BST1: variants seen among roughly 807,000 people sequenced by gnomAD.
The protein encoded by BST1 is ADP-ribosyl cyclase/cyclic ADP-ribose hydrolase 2.
BST1 carries 49 observed loss-of-function variants against 40.6 expected under a neutral mutation model. That is an observed-to-expected ratio of 1.21 (90% confidence interval 0.96 to 1.53). The LOEUF (loss-of-function observed/expected upper bound fraction) is 1.53, where lower values mean the gene tolerates loss of function less well. Among genes scored for constraint, BST1 ranks in the 40% most tolerant of loss-of-function variants. The pLI is 0.00. For missense variants in BST1, 423 were observed against 395.9 expected (o/e 1.07, Z -0.58); for synonymous variants, 157 against 159.3 (o/e 0.99, Z 0.11).
At chr4:15,764,872 A>AGG in the BST1 span, among the ~76,000 whole-genome samples, 2 of 97,862 alleles carry the variant, frequency 2.0e-5, no homozygotes, top group African/African-American at 7.1e-5. Context: ...GAATTAGGTG[A>AGG]GGTGTGTGTG....
the BST1 span, among the ~76,000 whole-genome samples, chr4:15,763,981 C>T: frequency 6.6e-6 from 1 of 152,024 alleles, no homozygotes; most frequent in Non-Finnish European, 1.5e-5. Context: ...AGTGTGTGGA[C>T]ATCACTCTAC....
At chr4:15,733,723 G>A (rs572494061), downstream of BST1, among the ~76,000 whole-genome samples, 16 of 152,298 alleles carry the variant, frequency 1.1e-4, no homozygotes, top group South Asian at 6.2e-4. Context: ...ACCAGATCTC[G>A]TGAGAACTCT....
chr4:15,743,963 A>G, the BST1 span, among the ~76,000 whole-genome samples: 1 of 152,228 alleles, frequency 6.6e-6, no homozygotes, highest in Non-Finnish European at 1.5e-5. Flanking sequence ...TGAGAGAGGC[A>G]GTGGCTATCT....
Position 15,703,430 on chromosome 4 carries a change from GC to G in BST1, c.188+99del, listed in dbSNP as rs1281146656. Reference sequence around the variant, plus strand: ...TGGCGCTAAAGTTCGGGGTGAGGGGGCAATGAGAGAGGCCTTGAGGGGAGAG... The same window carrying G: ...TGGCGCTAAAGTTCGGGGTGAGGGGGAATGAGAGAGGCCTTGAGGGGAGAG... On this transcript the variant is annotated intron_variant, in intron 1 of 8. Coordinates refer to ENST00000265016, the MANE Select transcript of BST1 (RefSeq NM_004334.3). 40 of 1,444,448 alleles carry G rather than the reference GC, an allele frequency of 2.8e-5. No individual in the cohort carries two copies. In the African/African-American group the frequency reaches 5.9e-4, roughly 21 times the overall value. 89.5% of individuals were successfully genotyped at this position (1,444,448 alleles called of 1,614,324 possible).
the BST1 span, among the ~76,000 whole-genome samples, chr4:15,761,516 T>G: frequency 6.6e-6 from 1 of 152,046 alleles, no homozygotes; most frequent in Non-Finnish European, 1.5e-5. Flanking sequence ...TTCCTGTCTG[T>G]TGCTAGCTTG....
the BST1 span, among the ~76,000 whole-genome samples, chr4:15,772,908 T>C: frequency 6.6e-6 from 1 of 152,126 alleles, no homozygotes; most frequent in Non-Finnish European, 1.5e-5. Flanking sequence ...GCACGCACCA[T>C]GGAGGCTGGA....
In BST1 at chr4:15,703,239, C is replaced by A; in HGVS notation, c.95C>A (p.Ala32Glu). The part of the protein sequence containing the change: ...LLLLAAGGAR[A>E]RWRGEGTSAH... ...CTGCTGGCGGCGGGCGGGGCGCGCG[C>A]GCGGTGGCGCGGGGAGGGCACCAGC... is the stretch of plus-strand genomic sequence containing the variant. The change falls in exon 1 of 9, where the codon GCG becomes GAG. Residue 32 changes from alanine to glutamate, a missense_variant. Ala to Glu is a moderately radical substitution (Grantham distance 107). Coordinates refer to ENST00000265016, the MANE Select transcript of BST1 (RefSeq NM_004334.3). 6.5e-7 allele frequency: 1 copy of A among 1,543,070 alleles called. No homozygotes were observed.
the BST1 span, among the ~76,000 whole-genome samples, chr4:15,761,621 C>T: frequency 6.6e-6 from 1 of 152,114 alleles, no homozygotes; most frequent in Middle Eastern, 3.4e-3. Flanking sequence ...ATTCACCATT[C>T]TCTCACTTTT....
At chr4:15,731,236 G>T in intron 8 of BST1, 1 of 465,676 alleles carries the variant, frequency 2.1e-6, no homozygotes, top group Non-Finnish European at 3.9e-6. Context: ...GCAATTTCCT[G>T]CCTTATTTAG....
the BST1 span, chr4:15,743,472 C>T: frequency 4.0e-6 from 1 of 251,566 alleles, no homozygotes; most frequent in South Asian, 4.5e-5. Context: ...CAGAAAATAG[C>T]AGAAGAAAAA....
chr4:15,764,891 T>C, the BST1 span, among the ~76,000 whole-genome samples: 6 of 151,834 alleles, frequency 4.0e-5, no homozygotes, highest in Non-Finnish European at 8.8e-5. Flanking sequence ...TGTGTGTGTG[T>C]GTGTGTTTTG....
the BST1 span, among the ~76,000 whole-genome samples, chr4:15,752,392 CTT>C: frequency 0.015 from 2,105 of 143,226 alleles, 56 homozygotes; most frequent in African/African-American, 0.051. Flanking sequence ...TCAAGCTATT[CTT>C]TTTTTTTTTT....
At chr4:15,743,356 C>T in the BST1 span, 17 of 341,610 alleles carry the variant, frequency 5.0e-5, no homozygotes, top group Non-Finnish European at 7.4e-5. Flanking sequence ...ATCATGACTT[C>T]GGTGGATGAG....
chr4:15,727,690 T>C (rs59919329), intron 8 of BST1, among the ~76,000 whole-genome samples: 13,213 of 152,090 alleles, frequency 0.087, 1,205 homozygotes, highest in East Asian at 0.52. Flanking sequence ...AATTTGACAA[T>C]ATGTGTCAAG....
At chr4:15,741,099 A>C (rs1721731924), downstream of BST1, among the ~76,000 whole-genome samples, 1 of 134,570 alleles carries the variant, frequency 7.4e-6, no homozygotes, top group Non-Finnish European at 1.5e-5. Flanking sequence ...ATCTAGCGAC[A>C]AAAGATTGAA....
intron 8 of BST1, among the ~76,000 whole-genome samples, chr4:15,730,061 G>C (rs1360649818): frequency 6.6e-6 from 1 of 152,168 alleles, no homozygotes; most frequent in Non-Finnish European, 1.5e-5. Context: ...AGTGAATCGA[G>C]TCTGGGACAT....
At chr4:15,762,089 T>C in the BST1 span, among the ~76,000 whole-genome samples, 1 of 144,458 alleles carries the variant, frequency 6.9e-6, no homozygotes, top group East Asian at 2.0e-4. Context: ...CTCGGGAGGC[T>C]GAGGCAGAAG....
At chr4:15,762,207 AAAAAAAAAAAT>A in the BST1 span, among the ~76,000 whole-genome samples, 4 of 150,200 alleles carry the variant, frequency 2.7e-5, no homozygotes, top group African/African-American at 9.9e-5. Context: ...AAAAAAAAAA[AAAAAAAAAAAT>A]AGAAAGAACT....
intron 7 of BST1, among the ~76,000 whole-genome samples, chr4:15,720,445 C>A (rs1038072168): frequency 2.0e-5 from 3 of 151,870 alleles, no homozygotes; most frequent in Non-Finnish European, 4.4e-5. Flanking sequence ...GGTGAAACCC[C>A]GTCTCTACTA....
Sources: gnomAD v4.1 joint callset for allele counts (sites outside exome capture counted in the v4.1 genomes callset) on GRCh38, gnomAD v4.1.1 for gene constraint, MANE v1.5 for transcripts, NCBI Gene and HGNC (gene_info 2026-07-23, HGNC 2026-07-21) for gene names.